The following CECR2 variants were observed in gnomAD, a reference collection of about 807,000 sequenced individuals.
CECR2 encodes the protein chromatin remodeling regulator CECR2.
A neutral mutation model predicts 154.5 loss-of-function variants in CECR2; 30 were observed. The observed-to-expected ratio is 0.19, with a 90% CI of 0.15 to 0.26. The LOEUF (loss-of-function observed/expected upper bound fraction) is 0.26. CECR2 is among the 10% of genes least tolerant of loss of function. The probability of loss-of-function intolerance (pLI) is 1.00; values close to 1 mark genes in which losing one functional copy is unlikely to be tolerated. For missense variants in CECR2, 1,743 were observed against 1,829.3 expected (o/e 0.95, Z 0.86); for synonymous variants, 725 against 683.7 (o/e 1.06, Z -0.94).
chr22:17,370,722 TGGAGCGCGGCGGGTGGCGGGAGCTTGC>T (rs1435774692), intron 1 of CECR2, among the ~76,000 whole-genome samples: 1 of 152,132 alleles, frequency 6.6e-6, no homozygotes, highest in Admixed American at 6.5e-5. Flanking sequence ...CCGAGGGTCC[TGGAGCGCGGCGGGTGGCGGGAGCTTGC>T]GGAGCGCGGC....
intron 10 of CECR2, among the ~76,000 whole-genome samples, 193 bp from the exon 11 acceptor site, chr22:17,538,327 C>T (rs980194781): frequency 6.6e-6 from 1 of 152,160 alleles, no homozygotes; most frequent in Non-Finnish European, 1.5e-5. Flanking sequence ...AGTGACATTC[C>T]CAGTTTTGCT....
intron 7 of CECR2, among the ~76,000 whole-genome samples, chr22:17,506,426 C>T (rs552028599): frequency 2.0e-5 from 3 of 152,132 alleles, no homozygotes; most frequent in African/African-American, 7.2e-5. Flanking sequence ...CACACCTGGC[C>T]CCCTCTCTAC....
At chr22:17,433,094 C>A (rs5747133) in intron 1 of CECR2, among the ~76,000 whole-genome samples, 1 of 152,010 alleles carries the variant, frequency 6.6e-6, no homozygotes, top group African/African-American at 2.4e-5. Context: ...GGGTGGAATC[C>A]TTTATCGCTT....
intron 1 of CECR2, among the ~76,000 whole-genome samples, chr22:17,392,697 C>G (rs1479001123): frequency 6.6e-6 from 1 of 150,738 alleles, no homozygotes; most frequent in Non-Finnish European, 1.5e-5. Context: ...AAAAAAAAAA[C>G]AGCTTTATTG....
chr22:17,548,483 T>C lies in CECR2; in HGVS notation c.3196T>C (p.Ser1066Pro). ...CATTGGGGAAGCATCTCCTTGTGGA[T>C]CGGAGGGGAAGGGCCTTGGTAGCAG... ...GVIGEASPCG[S>P]EGKGLGSSGS... is the part of the protein sequence containing the mutation. Residue 1066 changes from serine (S) to proline (P), a missense_variant, in exon 17 of 19, where the codon TCG becomes CCG. Transcript: ENST00000262608. 1 of 1,613,816 alleles carries C rather than the reference T, an allele frequency of 6.2e-7. No homozygotes were observed. Among genetic ancestry groups the C allele is most frequent in the Non-Finnish European group, 8.5e-7 (1 of 1,179,848 alleles).
At chr22:17,547,814 T>C (rs956588713) in intron 16 of CECR2, among the ~76,000 whole-genome samples, 2 of 152,144 alleles carry the variant, frequency 1.3e-5, no homozygotes, top group Admixed American at 6.5e-5. Flanking sequence ...TCCCAGTGTG[T>C]TTCACGTGCA....
At chr22:17,524,692 CTTT>C (rs1188195849) in intron 9 of CECR2, among the ~76,000 whole-genome samples, 3 of 44,316 alleles carry the variant, frequency 6.8e-5, no homozygotes, top group African/African-American at 1.2e-4. Flanking sequence ...ATGCCTGGCC[CTTT>C]TTTTTTTTTT....
At chr22:17,478,432 T>A (rs1432788966) in intron 2 of CECR2, among the ~76,000 whole-genome samples, 1 of 146,372 alleles carries the variant, frequency 6.8e-6, no homozygotes, top group Non-Finnish European at 1.5e-5. Flanking sequence ...CCCGGCTCAC[T>A]GCAAGCTTCA....
intron 15 of CECR2, 79 bp from the exon 16 acceptor site, chr22:17,542,076 GTC>G: frequency 6.4e-7 from 1 of 1,571,320 alleles, no homozygotes. Context: ...TTCCCAAAGA[GTC>G]TGTTCCCATA....
chr22:17,378,147 C>A (rs1367581817), intron 1 of CECR2, among the ~76,000 whole-genome samples: 2 of 151,074 alleles, frequency 1.3e-5, no homozygotes, highest in Non-Finnish European at 2.9e-5. Context: ...CCACGCCCGG[C>A]TAATTTTTTG....
At chr22:17,538,433 A>C in intron 10 of CECR2, 87 bp from the exon 11 acceptor site, 1 of 1,141,348 alleles carries the variant, frequency 8.8e-7, no homozygotes, top group Non-Finnish European at 1.3e-6. Context: ...ATCTTAGTTC[A>C]GTCAGGTGTG....
chr22:17,396,277 G>T (rs1236531105), intron 1 of CECR2, among the ~76,000 whole-genome samples: 1 of 151,948 alleles, frequency 6.6e-6, no homozygotes, highest in East Asian at 1.9e-4. Flanking sequence ...AGGCGCTGTG[G>T]CTCACGCCTG....
rs1432046087 is a variant in CECR2 at position 17,524,415 on chromosome 22, C to T, written c.1108+144C>T. Reference sequence around the variant, plus strand: ...TTTTTTTTTTTTTTTTTTTTTGAGACGGAGTCTCGCTGTGTCGCCCAGGCT... The same window carrying T: ...TTTTTTTTTTTTTTTTTTTTTGAGATGGAGTCTCGCTGTGTCGCCCAGGCT... On this transcript the variant is annotated intron_variant, in intron 9 of 18. Coordinates refer to ENST00000262608, the MANE Select transcript of CECR2 (RefSeq NM_001290047.2). 60 of 622,516 alleles carry T rather than the reference C, an allele frequency of 9.6e-5. 1 individual carries two copies. Among genetic ancestry groups the T allele is most frequent in the East Asian group, 1.4e-4 (3 of 20,782 alleles). 38.6% of individuals were successfully genotyped at this position (622,516 alleles called of 1,614,324 possible). A position where few individuals can be genotyped will look rare whatever the true frequency, so the allele number is the denominator to read the frequency against.
At chr22:17,540,175 A>G (rs1025631698) in intron 13 of CECR2, among the ~76,000 whole-genome samples, 2 of 152,158 alleles carry the variant, frequency 1.3e-5, no homozygotes, top group Non-Finnish European at 2.9e-5. Flanking sequence ...CCAACCATAC[A>G]ACCTTGGGCA....
intron 1 of CECR2, among the ~76,000 whole-genome samples, chr22:17,370,768 C>T (rs1309715961): frequency 6.6e-6 from 1 of 152,192 alleles, no homozygotes; most frequent in East Asian, 1.9e-4. Context: ...GCGCACTCGG[C>T]GGCCAGGCAT....
intron 1 of CECR2, among the ~76,000 whole-genome samples, chr22:17,380,861 C>G (rs1569043330): frequency 6.6e-6 from 1 of 152,210 alleles, no homozygotes; most frequent in Admixed American, 6.5e-5. Context: ...TAATGAACAG[C>G]CCTACCCTGA....
chr22:17,480,419 T>TACACACACAC (rs55977287), intron 2 of CECR2, among the ~76,000 whole-genome samples: 6,339 of 137,300 alleles, frequency 0.046, 174 homozygotes, highest in East Asian at 0.076. Context: ...TCATGTATAA[T>TACACACACAC]ACACACACAC....
At position 17,518,856 on chromosome 22, in the gene CECR2, C is replaced by T. The variant is rs866199873; in HGVS notation, c.955-5262C>T. ...CTGAGAGCTGATGTAGGAGTTTTTA[C>T]CTCTCCTTTCTCTTAGTATCCTTCC... is the stretch of plus-strand genomic sequence containing the variant. On this transcript the variant is annotated intron_variant, in intron 8 of 18. Transcript: ENST00000262608. 6.9e-5 allele frequency: 18 copies of T among 261,040 alleles called. No homozygotes were observed. The Middle Eastern group carries it at 3.8e-3, about 56-fold the overall frequency. The allele number at this position is 261,040 out of a possible 1,614,324, so 16.2% of individuals were successfully genotyped here.
At chr22:17,389,890 A>C (rs1307976723) in intron 1 of CECR2, among the ~76,000 whole-genome samples, 1 of 152,058 alleles carries the variant, frequency 6.6e-6, no homozygotes, top group Non-Finnish European at 1.5e-5. Flanking sequence ...GGCGTCCCAA[A>C]ATGCTGGGAT....
Sources: allele counts gnomAD v4.1 joint callset (sites outside exome capture counted in the v4.1 genomes callset), GRCh38; gene constraint gnomAD v4.1.1; transcripts MANE v1.5; gene names NCBI Gene and HGNC (gene_info 2026-07-23, HGNC 2026-07-21).